Variants in PTP4A2 observed in about 807,000 individuals in gnomAD.
PTP4A2 encodes the protein protein tyrosine phosphatase type IVA 2.
A neutral mutation model predicts 22.9 loss-of-function variants in PTP4A2; 2 were observed. The observed-to-expected ratio is 0.09, with a 90% CI of 0.04 to 0.27. The LOEUF (loss-of-function observed/expected upper bound fraction) is 0.27, where lower values mean the gene tolerates loss of function less well. Ranked by LOEUF, PTP4A2 falls within the 10% of genes least tolerant of loss-of-function variation. The pLI, the probability that PTP4A2 is intolerant of heterozygous loss-of-function variation, is 1.00. For synonymous variants in PTP4A2, 68 were observed against 69.1 expected, an observed-to-expected ratio of 0.98 and a Z score of 0.08; for missense variants, 103 against 205.1, an observed-to-expected ratio of 0.50 and a Z score of 3.04.
intron 1 of PTP4A2, among the ~76,000 whole-genome samples, chr1:31,925,838 G>C (rs1652427033): frequency 6.6e-6 from 1 of 151,266 alleles, no homozygotes; most frequent in African/African-American, 2.4e-5. Context: ...AATTTTACCG[G>C]GCATCCTTTT....
chr1:31,923,626 G>A (rs1189369819), intron 1 of PTP4A2, among the ~76,000 whole-genome samples: 2 of 152,200 alleles, frequency 1.3e-5, no homozygotes, highest in African/African-American at 2.4e-5. Context: ...GAGCCACCGC[G>A]CCCAGCCTGC....
intron 1 of PTP4A2, among the ~76,000 whole-genome samples, chr1:31,928,917 C>A (rs1363933121): frequency 1.3e-5 from 2 of 152,034 alleles, no homozygotes; most frequent in African/African-American, 4.8e-5. Context: ...ATAAGGGAAG[C>A]AATTAGTCAA....
rs1449697376 is a variant in PTP4A2 at position 31,906,786 on chromosome 1, A to ACACACACACC, written c.*2065_*2066insGGTGTGTGTG. The ACACACACACC allele has an allele frequency of 1.2e-5, 1 of 82,860 alleles. No homozygotes were observed. Among genetic ancestry groups the ACACACACACC allele is most frequent in the Admixed American group, 1.3e-4 (1 of 7,566 alleles). 5.1% of individuals were successfully genotyped at this position (82,860 alleles called of 1,614,324 possible). A position where few individuals can be genotyped will look rare whatever the true frequency, so the allele number is the denominator to read the frequency against. ...CACACACACACACACACACACACAC[A>ACACACACACC]CCCCCTCCCCCCAAACAACAAAATT... On this transcript the variant is annotated 3_prime_UTR_variant, in exon 6 of 6. Coordinates refer to ENST00000647444, the MANE Select transcript of PTP4A2 (RefSeq NM_080391.4).
rs1250425380 is a variant in PTP4A2 at position 31,906,464 on chromosome 1, G to T, written c.*2388C>A. On this transcript the variant is annotated 3_prime_UTR_variant, in exon 6 of 6. Transcript: ENST00000647444. ...TTATTGTTCTTTAAAAGGGTTCAGG[G>T]TTTGGTTTTAAATCAGGCTGCACAC... 1 of 152,048 alleles carries T rather than the reference G, an allele frequency of 6.6e-6. No individual in the cohort carries two copies. Among genetic ancestry groups the T allele is most frequent in the Non-Finnish European group, 1.5e-5 (1 of 68,014 alleles). 9.4% of individuals were successfully genotyped at this position (152,048 alleles called of 1,614,324 possible).
chr1:31,914,097 G>T (rs1165669340), intron 3 of PTP4A2: 1 of 377,364 alleles, frequency 2.6e-6, no homozygotes, highest in Non-Finnish European at 5.3e-6. Context: ...GACTGACAAG[G>T]TCTCTGTCAC....
At chr1:31,937,908 G>T in intron 1 of PTP4A2, 79 bp downstream of exon 1, 1 of 150,836 alleles carries the variant, frequency 6.6e-6, no homozygotes, top group South Asian at 1.9e-4. Context: ...CTGCACTAAT[G>T]GCTGCGGCGC....
At chr1:31,910,208 C>T (rs1213627672) in intron 4 of PTP4A2, 96 bp from the exon 5 acceptor site, 2 of 871,058 alleles carry the variant, frequency 2.3e-6, no homozygotes, top group Non-Finnish European at 3.7e-6. Context: ...AACGCATGAG[C>T]TTTCTTTTTC....
At chr1:31,923,577 G>GC (rs929258114) in intron 1 of PTP4A2, among the ~76,000 whole-genome samples, 1 of 151,396 alleles carries the variant, frequency 6.6e-6, no homozygotes, top group Non-Finnish European at 1.5e-5. Flanking sequence ...CTCGTGATCC[G>GC]CCCGCCTCGG....
intron 1 of PTP4A2, among the ~76,000 whole-genome samples, chr1:31,926,077 T>G (rs1006054268): frequency 1.4e-5 from 2 of 141,344 alleles, no homozygotes; most frequent in Non-Finnish European, 1.6e-5. Context: ...TGCAGTGAAC[T>G]GAGATTGCGC....
At position 31,911,850 on chromosome 1, in the gene PTP4A2, T is replaced by C. The variant is rs1651549777; in HGVS notation, c.190-24A>G. 2.0e-6 allele frequency: 3 copies of C among 1,538,102 alleles called. No homozygotes were observed. The East Asian group carries it at 6.9e-5, about 35-fold the overall frequency. ...TCCTGAAAAGAAATGACCTTTTACA[T>C]TAAATTGATATTTTCTCCATGATTA... On this transcript the variant is annotated intron_variant, in intron 3 of 5. Transcript: ENST00000647444.
intron 1 of PTP4A2, among the ~76,000 whole-genome samples, chr1:31,928,847 TG>T (rs1363762301): frequency 6.6e-6 from 1 of 152,132 alleles, no homozygotes; most frequent in African/African-American, 2.4e-5. Flanking sequence ...ACCTTGATGG[TG>T]GGAAAATGTC....
chr1:31,926,260 T>C (rs1259204491), intron 1 of PTP4A2, among the ~76,000 whole-genome samples: 4 of 151,390 alleles, frequency 2.6e-5, no homozygotes, highest in Non-Finnish European at 5.9e-5. Context: ...ACCCTCTAAT[T>C]TGGTGAGCTA....
At chr1:31,928,390 C>T (rs1045274733) in intron 1 of PTP4A2, among the ~76,000 whole-genome samples, 3 of 151,556 alleles carry the variant, frequency 2.0e-5, no homozygotes, top group Non-Finnish European at 4.4e-5. Flanking sequence ...AAATAAGATG[C>T]TTTTTTTACT....
intron 1 of PTP4A2, among the ~76,000 whole-genome samples, chr1:31,920,914 T>C (rs1261239971): frequency 6.6e-6 from 1 of 152,130 alleles, no homozygotes; most frequent in Non-Finnish European, 1.5e-5. Context: ...ATATACTCTT[T>C]GGTTAAAATA....
chr1:31,926,149 A>AATATATATAT (rs1553212254), intron 1 of PTP4A2, among the ~76,000 whole-genome samples: 21 of 131,254 alleles, frequency 1.6e-4, no homozygotes, highest in Non-Finnish European at 1.6e-4. Flanking sequence ...AAAAAAAAAA[A>AATATATATAT]ATATATATAT....
Position 31,938,115 on chromosome 1 carries a change from C to CA in PTP4A2, c.-723dup, listed in dbSNP as rs1420017678. 6.6e-6 allele frequency: 1 copy of CA among 150,926 alleles called. No individual in the cohort carries two copies. The highest frequency in any genetic ancestry group is 1.5e-5 in the Non-Finnish European group (1 of 68,916). The allele number at this position is 150,926 out of a possible 1,614,324, so 9.3% of individuals were successfully genotyped here. Reference sequence around the variant, plus strand: ...GGCGGCGGCGGCGACGACTCCCCCCCAGCCTCGGCGCGCGACACCCGGCCC... The same window carrying CA: ...GGCGGCGGCGGCGACGACTCCCCCCCAAGCCTCGGCGCGCGACACCCGGCCC... On this transcript the variant is annotated 5_prime_UTR_variant, in exon 1 of 6. Coordinates refer to ENST00000647444, the MANE Select transcript of PTP4A2 (RefSeq NM_080391.4). This position sits in a 1 kb window ranked among gnomAD's most constrained non-coding sequence, Gnocchi z 4.4.
rs1167002913 is a variant in PTP4A2, at chr1:31,916,345, CAAA to C, written c.97-361_97-359del. ...GGGCGACAGAGCGAGACTCCGTCTC[CAAA>C]AAAAAAAAAAAAAAAAAAAAAAAAG... On this transcript the variant is annotated intron_variant, in intron 2 of 5. Coordinates refer to ENST00000647444, the MANE Select transcript of PTP4A2 (RefSeq NM_080391.4). 1.1e-3 allele frequency among the ~76,000 whole-genome samples: 38 copies of C among 35,454 alleles called. 1 individual carries two copies. The highest frequency in any genetic ancestry group is 2.4e-3 in the African/African-American group (30 of 12,698). The allele number at this position is 35,454 out of a possible 152,430, so 23.3% of individuals were successfully genotyped here. A position where few individuals can be genotyped will look rare whatever the true frequency, so the allele number is the denominator to read the frequency against.
At chr1:31,913,240 C>T (rs1651638703) in intron 3 of PTP4A2, among the ~76,000 whole-genome samples, 1 of 152,114 alleles carries the variant, frequency 6.6e-6, no homozygotes, top group Non-Finnish European at 1.5e-5. Flanking sequence ...GTTCCAAAAC[C>T]CTCCTCACCT....
intron 1 of PTP4A2, among the ~76,000 whole-genome samples, chr1:31,920,281 TA>T (rs1652076777): frequency 6.6e-6 from 1 of 150,856 alleles, no homozygotes; most frequent in Non-Finnish European, 1.5e-5. Flanking sequence ...CCGTCTCTAC[TA>T]AAAATACAAA....
Sources: gnomAD v4.1 joint callset for allele counts (sites outside exome capture counted in the v4.1 genomes callset) on GRCh38, gnomAD v4.1.1 for gene constraint, Gnocchi (gnomAD v3.1) non-coding constraint, MANE v1.5 for transcripts, NCBI Gene and HGNC (gene_info 2026-07-23, HGNC 2026-07-21) for gene names.